Variants in ATXN10 observed in about 807,000 individuals in gnomAD.
ATXN10 encodes the protein ataxin 10.
A neutral mutation model predicts 52.9 loss-of-function variants in ATXN10; 28 were observed. The observed-to-expected ratio is 0.53, with a 90% CI of 0.39 to 0.73. ATXN10 has a LOEUF of 0.73. Among genes scored for constraint, ATXN10 ranks in the 30% least tolerant of loss-of-function variants. ATXN10 has a pLI of 0.00. For synonymous variants in ATXN10, 226 were observed against 221.5 expected (o/e 1.02, Z -0.18); for missense variants, 565 against 577.0 (o/e 0.98, Z 0.21).
chr22:45,780,594 G>A lies in ATXN10; in HGVS notation c.1174-26365G>A, dbSNP rs1301402925. Among the ~76,000 whole-genome samples, 1 of 152,146 alleles carries A rather than the reference G, an allele frequency of 6.6e-6. No individual in the cohort carries two copies. Among genetic ancestry groups the A allele is most frequent in the Non-Finnish European group, 1.5e-5 (1 of 68,026 alleles). ...GAAGTCCTGCCTCAGAGGCTCATAG[G>A]GAGGATTAGGTCAGATACTACATGT... On this transcript the variant is annotated intron_variant, in intron 9 of 11. Transcript: ENST00000252934. The surrounding 1 kb of genome is among the most constrained non-coding windows in gnomAD (Gnocchi z 4.0).
At chr22:45,773,480 TA>T (rs1469645446) in intron 9 of ATXN10, among the ~76,000 whole-genome samples, 1 of 142,330 alleles carries the variant, frequency 7.0e-6, no homozygotes, top group Non-Finnish European at 1.5e-5. Context: ...TTATTTGAGA[TA>T]GGTGTCTCGC....
Position 45,762,945 on chromosome 22 carries a change from C to G in ATXN10, c.1173+22407C>G, listed in dbSNP as rs970891315. On this transcript the variant is annotated intron_variant, in intron 9 of 11. Coordinates refer to ENST00000252934, the MANE Select transcript of ATXN10 (RefSeq NM_013236.4). The surrounding 1 kb of genome is among the most constrained non-coding windows in gnomAD (Gnocchi z 4.3). Reference sequence around the variant, plus strand: ...TAGGGGCTTGTCTGAGATGCAGAGTCTCAGGCTCTACCCCAGCATCCGGAA... The same window carrying G: ...TAGGGGCTTGTCTGAGATGCAGAGTGTCAGGCTCTACCCCAGCATCCGGAA... 6.6e-6 allele frequency among the ~76,000 whole-genome samples: 1 copy of G among 152,226 alleles called. No individual in the cohort carries two copies. Among genetic ancestry groups the G allele is most frequent in the Non-Finnish European group, 1.5e-5 (1 of 68,036 alleles).
At chr22:45,811,091 A>C (rs2146889129) in intron 10 of ATXN10, among the ~76,000 whole-genome samples, 1 of 152,304 alleles carries the variant, frequency 6.6e-6, no homozygotes, top group African/African-American at 2.4e-5. Flanking sequence ...ACTTTGATTT[A>C]TCAGAGAGGT....
In ATXN10 at chr22:45,762,201, C is replaced by G. The variant is rs1926417016; in HGVS notation, c.1173+21663C>G. On this transcript the variant is annotated intron_variant, in intron 9 of 11. Transcript: ENST00000252934. The surrounding 1 kb of genome is among the most constrained non-coding windows in gnomAD (Gnocchi z 4.3). ...CTCTGTCCCCTGTGCGTTTCCGAGA[C>G]TGTGTTTCTATTTATTTGCCCTTTG... 6.6e-6 allele frequency among the ~76,000 whole-genome samples: 1 copy of G among 152,134 alleles called. No individual in the cohort carries two copies.
intron 9 of ATXN10, among the ~76,000 whole-genome samples, chr22:45,768,435 G>A (rs1319503263): frequency 6.6e-6 from 1 of 152,084 alleles, no homozygotes; most frequent in Non-Finnish European, 1.5e-5. Context: ...CAACTGGTTT[G>A]TGTAAAAAAC....
At position 45,763,586 on chromosome 22, in the gene ATXN10, C is replaced by T. The variant is rs1034900869; in HGVS notation, c.1173+23048C>T. Among the ~76,000 whole-genome samples, 19 of 152,282 alleles carry T rather than the reference C, an allele frequency of 1.2e-4. 2 individuals are homozygous for T. The highest frequency in any genetic ancestry group is 9.1e-4 in the Admixed American group (14 of 15,308). On this transcript the variant is annotated intron_variant, in intron 9 of 11. Transcript: ENST00000252934. The surrounding 1 kb of genome is among the most constrained non-coding windows in gnomAD (Gnocchi z 6.9). ...TGTTAAAAGTCGGACCCCACCACGC[C>T]CCCCACCTCTCTGTCCCTGCTCTTT...
intron 1 of ATXN10, 106 bp from the exon 2 acceptor site, chr22:45,689,606 C>T (rs1226447798): frequency 3.1e-5 from 29 of 931,690 alleles, no homozygotes; most frequent in South Asian, 6.9e-5. Flanking sequence ...AGCAGATAAA[C>T]GTAGCGTACC....
intron 9 of ATXN10, 27 bp from the exon 10 acceptor site, chr22:45,806,932 G>A (rs769049846): frequency 2.5e-6 from 4 of 1,583,574 alleles, no homozygotes; most frequent in Non-Finnish European, 3.5e-6. Flanking sequence ...TGTTTTCAGT[G>A]TATAAACTTA....
rs985194915 is a variant in ATXN10 at position 45,793,579 on chromosome 22, C to A, written c.1174-13380C>A. 2.3e-6 allele frequency: 3 copies of A among 1,300,336 alleles called. No homozygotes were observed. The African/African-American group carries it at 4.5e-5, about 20-fold the overall frequency. The allele number at this position is 1,300,336 out of a possible 1,614,324, so 80.5% of individuals were successfully genotyped here. A position where few individuals can be genotyped will look rare whatever the true frequency, so the allele number is the denominator to read the frequency against. ...CTTTCTGTGACAAATGACTAGAATTCTGGAGCCTGCACCTTCATTTTAGGC... is the reference window on the plus strand; with the variant it reads ...CTTTCTGTGACAAATGACTAGAATTATGGAGCCTGCACCTTCATTTTAGGC... On this transcript the variant is annotated intron_variant, in intron 9 of 11. Transcript: ENST00000252934.
At chr22:45,745,299 A>G (rs1392419124) in intron 9 of ATXN10, among the ~76,000 whole-genome samples, 1 of 152,208 alleles carries the variant, frequency 6.6e-6, no homozygotes, top group Non-Finnish European at 1.5e-5. Flanking sequence ...TCATAAAGCT[A>G]AGTGCATTTT....
At chr22:45,802,841 GT>G (rs1469371593) in intron 9 of ATXN10, among the ~76,000 whole-genome samples, 1 of 152,062 alleles carries the variant, frequency 6.6e-6, no homozygotes, top group East Asian at 1.9e-4. Flanking sequence ...AAAGTGAGGT[GT>G]TTTCCATGCA....
intron 5 of ATXN10, among the ~76,000 whole-genome samples, chr22:45,717,897 G>A (rs926556981): frequency 1.3e-5 from 2 of 152,204 alleles, no homozygotes; most frequent in East Asian, 1.9e-4. Context: ...TTGCCTTGGG[G>A]TTTCCATAAG....
intron 5 of ATXN10, among the ~76,000 whole-genome samples, chr22:45,716,794 GAAAAAATTCAC>G (rs907511359): frequency 6.6e-6 from 1 of 152,054 alleles, no homozygotes; most frequent in Non-Finnish European, 1.5e-5. Flanking sequence ...AAAAACAATA[GAAAAAATTCAC>G]AAAGGCAAAA....
chr22:45,729,571 A>G lies in ATXN10; in HGVS notation c.875A>G (p.Glu292Gly). 6.2e-7 allele frequency: 1 copy of G among 1,614,170 alleles called. No individual in the cohort carries two copies. The highest frequency in any genetic ancestry group is 8.5e-7 in the Non-Finnish European group (1 of 1,180,026). Residue 292 changes from glutamate to glycine, a missense_variant, in exon 7 of 12, where the codon GAG (glutamate) becomes GGG (glycine). Glu to Gly is a moderately conservative substitution (Grantham distance 98). Transcript: ENST00000252934. Reference sequence around the variant, plus strand: ...AAGACTGTGCTCAAGCTGGCCTCTGAGGAGCCTCCTGATGATGAGGTAAGG... The same window carrying G: ...AAGACTGTGCTCAAGCTGGCCTCTGGGGAGCCTCCTGATGATGAGGTAAGG... ...QCKTVLKLAS[E>G]EPPDDEEALA...
In ATXN10 at chr22:45,701,255, C is replaced by G. The variant is rs1299684381; in HGVS notation, c.488+877C>G. On this transcript the variant is annotated intron_variant, in intron 4 of 11. Transcript: ENST00000252934. The surrounding 1 kb of genome is among the most constrained non-coding windows in gnomAD (Gnocchi z 4.2). ...CTGCAGAGTAAGTGTTACTGTCTCC[C>G]CATTTGGACAGATGAGAGACCTGAA... Among the ~76,000 whole-genome samples the G allele has an allele frequency of 6.6e-6, 1 of 152,112 alleles. No individual in the cohort carries two copies. The highest frequency in any genetic ancestry group is 2.4e-5 in the African/African-American group (1 of 41,402).
chr22:45,697,502 C>T (rs1217378751), intron 3 of ATXN10, among the ~76,000 whole-genome samples: 1 of 152,184 alleles, frequency 6.6e-6, no homozygotes, highest in Non-Finnish European at 1.5e-5. Context: ...CCTGTAGCCC[C>T]TGGCAACCAC....
Position 45,781,312 on chromosome 22 carries a change from C to T in ATXN10, c.1174-25647C>T, listed in dbSNP as rs1927141397. ...GTAATGAGGCATCCCCCAACCCCTG[C>T]CCAGCTGTACTGTCAGCAGAGACCG... On this transcript the variant is annotated intron_variant, in intron 9 of 11. Coordinates refer to ENST00000252934, the MANE Select transcript of ATXN10 (RefSeq NM_013236.4). This position sits in a 1 kb window ranked among gnomAD's most constrained non-coding sequence, Gnocchi z 4.2. Among the ~76,000 whole-genome samples the T allele has an allele frequency of 6.6e-6, 1 of 152,080 alleles. No individual in the cohort carries two copies. The highest frequency in any genetic ancestry group is 2.1e-4 in the South Asian group (1 of 4,822).
intron 9 of ATXN10, among the ~76,000 whole-genome samples, chr22:45,802,211 C>T (rs188507000): frequency 9.2e-5 from 14 of 152,280 alleles, no homozygotes; most frequent in Middle Eastern, 3.4e-3. Flanking sequence ...TGCACTACCA[C>T]GGGAAAGTGT....
intron 9 of ATXN10, chr22:45,793,783 G>A (rs984766120): frequency 2.3e-6 from 3 of 1,328,174 alleles, no homozygotes; most frequent in Middle Eastern, 2.0e-4. Flanking sequence ...GGACAGGTAA[G>A]CCCCCAAATT....
Sources: gnomAD v4.1 joint callset for allele counts (sites outside exome capture counted in the v4.1 genomes callset) on GRCh38, gnomAD v4.1.1 for gene constraint, Gnocchi (gnomAD v3.1) non-coding constraint, MANE v1.5 for transcripts, NCBI Gene and HGNC (gene_info 2026-07-23, HGNC 2026-07-21) for gene names.